Variants in GTF2A2 observed in about 807,000 individuals in gnomAD.
GTF2A2 encodes general transcription factor IIA subunit 2.
GTF2A2 carries 9 observed loss-of-function variants against 14.3 expected under a neutral mutation model. That is an observed-to-expected ratio of 0.63 (90% confidence interval 0.38 to 1.10). The LOEUF (loss-of-function observed/expected upper bound fraction) is 1.10. Among genes scored for constraint, GTF2A2 ranks in the 50% least tolerant of loss-of-function variants. The pLI is 0.01. For missense variants in GTF2A2, 90 were observed against 124.6 expected, an observed-to-expected ratio of 0.72 and a Z score of 1.32; for synonymous variants, 56 against 46.0, an observed-to-expected ratio of 1.22 and a Z score of -0.88.
intron 3 of GTF2A2, among the ~76,000 whole-genome samples, chr15:59,648,023 G>A (rs1479110202): frequency 6.6e-6 from 1 of 152,098 alleles, no homozygotes; most frequent in African/African-American, 2.4e-5. Context: ...TTTAACGCTT[G>A]TTAATTACTG....
Position 59,638,159 on chromosome 15 carries a change from C to G in GTF2A2, c.*973G>C, listed in dbSNP as rs1001584780. On this transcript the variant is annotated 3_prime_UTR_variant, in exon 5 of 5. Coordinates refer to ENST00000396060, the MANE Select transcript of GTF2A2 (RefSeq NM_004492.3). ...ACTCAAGTAATCCTCCAGTCTCAGCCTCCTAAAGTACTGGGATTACTTACA... is the reference window on the plus strand; with the variant it reads ...ACTCAAGTAATCCTCCAGTCTCAGCGTCCTAAAGTACTGGGATTACTTACA... 6.6e-6 allele frequency: 1 copy of G among 152,190 alleles called. No individual in the cohort carries two copies. The allele number at this position is 152,190 out of a possible 1,614,324, so 9.4% of individuals were successfully genotyped here.
intron 1 of GTF2A2, among the ~76,000 whole-genome samples, chr15:59,656,327 AAAT>A (rs1187513430): frequency 6.6e-6 from 1 of 152,176 alleles, no homozygotes; most frequent in East Asian, 1.9e-4. Context: ...GTCTTTGCTC[AAAT>A]AACACCTACT....
chr15:59,643,100 G>C (rs1368679618), intron 3 of GTF2A2, among the ~76,000 whole-genome samples: 2 of 94,376 alleles, frequency 2.1e-5, no homozygotes, highest in African/African-American at 8.6e-5. Context: ...TTTTTTTTGA[G>C]ACAGAGTCTC....
At chr15:59,646,145 C>G (rs1194788774) in intron 3 of GTF2A2, among the ~76,000 whole-genome samples, 1 of 152,072 alleles carries the variant, frequency 6.6e-6, no homozygotes, top group Non-Finnish European at 1.5e-5. Context: ...CAACCTCCAC[C>G]ACCTGGGTTC....
chr15:59,648,891 G>A (rs907588904), intron 3 of GTF2A2, among the ~76,000 whole-genome samples: 3 of 151,974 alleles, frequency 2.0e-5, no homozygotes, highest in Admixed American at 6.6e-5. Flanking sequence ...CCAAGATCTC[G>A]CCACTGCACT....
chr15:59,643,329 C>T (rs755074146), intron 3 of GTF2A2, among the ~76,000 whole-genome samples: 26 of 152,022 alleles, frequency 1.7e-4, no homozygotes, highest in East Asian at 3.9e-4. Context: ...ATCTGCCCGC[C>T]GTGGCCTCCC....
At chr15:59,643,174 A>G (rs1055931713) in intron 3 of GTF2A2, among the ~76,000 whole-genome samples, 4 of 143,174 alleles carry the variant, frequency 2.8e-5, no homozygotes, top group Admixed American at 1.4e-4. Flanking sequence ...CCGCCACCCA[A>G]GTTCAAGCTA....
At chr15:59,650,564 C>G in intron 3 of GTF2A2, 105 bp downstream of exon 3, 1 of 608,078 alleles carries the variant, frequency 1.6e-6, no homozygotes, top group Non-Finnish European at 2.9e-6. Flanking sequence ...ATTGACTAAG[C>G]CACCTCTTCC....
chr15:59,644,622 TGA>T (rs1415568754), intron 3 of GTF2A2, among the ~76,000 whole-genome samples: 11 of 152,150 alleles, frequency 7.2e-5, no homozygotes, highest in African/African-American at 2.7e-4. Flanking sequence ...CTGGGTACAA[TGA>T]GAGTACAGCA....
At chr15:59,649,371 TTAACTC>T (rs759552871) in intron 3 of GTF2A2, among the ~76,000 whole-genome samples, 2 of 152,210 alleles carry the variant, frequency 1.3e-5, no homozygotes, top group African/African-American at 4.8e-5. Flanking sequence ...TCAAATTACT[TTAACTC>T]TAGCTAAAGA....
rs1173792347 is a variant in GTF2A2 at position 59,638,090 on chromosome 15, T to C, written c.*1042A>G. On this transcript the variant is annotated 3_prime_UTR_variant, in exon 5 of 5. Coordinates refer to ENST00000396060, the MANE Select transcript of GTF2A2 (RefSeq NM_004492.3). Reference sequence around the variant, plus strand: ...GAAGATGAAACAATTTTATTTTCTTTGTAGGGACAGTCTATATTGGCCAGG... The same window carrying C: ...GAAGATGAAACAATTTTATTTTCTTCGTAGGGACAGTCTATATTGGCCAGG... 2 of 152,174 alleles carry C rather than the reference T, an allele frequency of 1.3e-5. No individual in the cohort carries two copies. Among genetic ancestry groups the C allele is most frequent in the Non-Finnish European group, 2.9e-5 (2 of 68,044 alleles). 9.4% of individuals were successfully genotyped at this position (152,174 alleles called of 1,614,324 possible). A position where few individuals can be genotyped will look rare whatever the true frequency, so the allele number is the denominator to read the frequency against.
chr15:59,650,637 A>G (rs1891762139), intron 3 of GTF2A2, 32 bp downstream of exon 3: 1 of 1,200,346 alleles, frequency 8.3e-7, no homozygotes, highest in African/African-American at 1.5e-5. Context: ...AACCATTGGT[A>G]CAGGCTTCTA....
intron 3 of GTF2A2, among the ~76,000 whole-genome samples, chr15:59,645,181 G>T (rs1250349810): frequency 1.3e-5 from 2 of 152,170 alleles, no homozygotes; most frequent in Non-Finnish European, 2.9e-5. Flanking sequence ...GAAAAAGCTG[G>T]TTGGGGAGTA....
chr15:59,640,175 G>C (rs1354251075), intron 4 of GTF2A2: 1 of 152,044 alleles, frequency 6.6e-6, no homozygotes, highest in Non-Finnish European at 1.5e-5. Context: ...GTGCTGAAGT[G>C]TGAGGGAAAA....
chr15:59,648,133 G>C (rs1434278825), intron 3 of GTF2A2, among the ~76,000 whole-genome samples: 1 of 152,140 alleles, frequency 6.6e-6, no homozygotes, highest in East Asian at 1.9e-4. Flanking sequence ...TTATGGCCGG[G>C]TGCGGTACCT....
chr15:59,639,183 TAAAG>T, intron 4 of GTF2A2, 26 bp from the exon 5 acceptor site: 2 of 1,339,310 alleles, frequency 1.5e-6, no homozygotes, highest in Non-Finnish European at 1.1e-6. Context: ...GAAAGTAAAG[TAAAG>T]TAAATTCAAG....
chr15:59,657,341 C>A (rs1891983665), intron 1 of GTF2A2, 65 bp downstream of exon 1: 1 of 152,504 alleles, frequency 6.6e-6, no homozygotes, highest in South Asian at 2.1e-4. Flanking sequence ...CACTCCGACT[C>A]CGGGGGGGCG....
chr15:59,638,936 T>A lies in GTF2A2; in HGVS notation c.*196A>T. ...AACAACTTTTGTCCTTAAAAAAAAG[T>A]TATGGTTTTTCATGCTGTATAATAA... On this transcript the variant is annotated 3_prime_UTR_variant, in exon 5 of 5. Coordinates refer to ENST00000396060, the MANE Select transcript of GTF2A2 (RefSeq NM_004492.3). The A allele has an allele frequency of 2.0e-6, 1 of 491,490 alleles. No homozygotes were observed. The allele number at this position is 491,490 out of a possible 1,614,324, so 30.4% of individuals were successfully genotyped here.
chr15:59,640,552 A>ATACCCACATT (rs1305242807), intron 4 of GTF2A2, among the ~76,000 whole-genome samples: 1 of 152,240 alleles, frequency 6.6e-6, no homozygotes, highest in African/African-American at 2.4e-5. Flanking sequence ...TCAGCTGCCC[A>ATACCCACATT]TACCCACATT....
Sources: gnomAD v4.1 joint callset for allele counts (sites outside exome capture counted in the v4.1 genomes callset) on GRCh38, gnomAD v4.1.1 for gene constraint, MANE v1.5 for transcripts, NCBI Gene and HGNC (gene_info 2026-07-23, HGNC 2026-07-21) for gene names.